The following KCNC2 variants were observed in gnomAD, a reference collection of about 807,000 sequenced individuals.
KCNC2 encodes the protein voltage-gated potassium channel KCNC2.
In KCNC2, 21 loss-of-function variants were observed where a neutral mutation model predicts 44.5. The observed-to-expected ratio is 0.47, with a 90% CI of 0.33 to 0.68. The LOEUF (loss-of-function observed/expected upper bound fraction) is 0.68. Among genes scored for constraint, KCNC2 ranks in the 30% least tolerant of loss-of-function variants. KCNC2 has a pLI of 0.01. For missense variants in KCNC2, 589 were observed against 826.2 expected (o/e 0.71, Z 3.52); for synonymous variants, 391 against 339.1 (o/e 1.15, Z -1.68).
chr12:75,048,589 T>A (rs551087500), intron 3 of KCNC2, among the ~76,000 whole-genome samples: 1 of 152,140 alleles, frequency 6.6e-6, no homozygotes, highest in Admixed American at 6.6e-5. Flanking sequence ...ACGACTAATA[T>A]GAATTCAAAA....
intron 2 of KCNC2, among the ~76,000 whole-genome samples, chr12:75,088,307 T>C (rs984843255): frequency 6.6e-6 from 1 of 152,030 alleles, no homozygotes; most frequent in Non-Finnish European, 1.5e-5. Context: ...TCCATAAACA[T>C]GTGATAATTT....
chr12:75,085,002 C>G (rs1884876242), intron 2 of KCNC2, among the ~76,000 whole-genome samples: 1 of 136,976 alleles, frequency 7.3e-6, no homozygotes, highest in Non-Finnish European at 1.6e-5. Flanking sequence ...CAGTAAAGGA[C>G]TTAAAATTCC....
intron 2 of KCNC2, among the ~76,000 whole-genome samples, chr12:75,104,071 T>C (rs1180590426): frequency 2.0e-5 from 3 of 152,016 alleles, no homozygotes; most frequent in African/African-American, 4.8e-5. Context: ...GCCATGACAA[T>C]GTCAGGAGAC....
Position 75,051,013 on chromosome 12 carries a change from C to G in KCNC2, c.992G>C (p.Gly331Ala). Residue 331 changes from glycine to alanine, a missense_variant, in exon 3 of 5, where the codon GGA becomes GCA. Coordinates refer to ENST00000549446, the MANE Select transcript of KCNC2 (RefSeq NM_139137.4). Reference protein sequence around the residue: ...VAILPFYLEVGLSGLSSKAAK... With the variant: ...VAILPFYLEVALSGLSSKAAK... ...AGCTTTGGATGACAGCCCACTGAGT[C>G]CCACCTCTAAGTAGAAAGGTAGGAT... The G allele has an allele frequency of 6.2e-7, 1 of 1,613,742 alleles. No individual in the cohort carries two copies. Among genetic ancestry groups the G allele is most frequent in the Non-Finnish European group, 8.5e-7 (1 of 1,179,832 alleles).
chr12:75,098,956 A>G (rs975104015), intron 2 of KCNC2, among the ~76,000 whole-genome samples: 9 of 152,088 alleles, frequency 5.9e-5, no homozygotes. Context: ...TCTGTTCTCC[A>G]TGCCCTGCTG....
intron 2 of KCNC2, among the ~76,000 whole-genome samples, chr12:75,085,301 C>G (rs7959091): frequency 0.036 from 5,419 of 151,974 alleles, 307 homozygotes; most frequent in African/African-American, 0.12. Context: ...TTCTATTATT[C>G]ACCTTCCACC....
chr12:75,198,188 T>C (rs776053754), intron 2 of KCNC2, among the ~76,000 whole-genome samples: 12 of 151,910 alleles, frequency 7.9e-5, no homozygotes, highest in Non-Finnish European at 1.2e-4. Flanking sequence ...CATTGCATTC[T>C]AAGTATCAAA....
intron 2 of KCNC2, among the ~76,000 whole-genome samples, chr12:75,160,177 CCA>C (rs1463520691): frequency 6.6e-6 from 1 of 151,532 alleles, no homozygotes; most frequent in East Asian, 2.0e-4. Flanking sequence ...CATATAATTG[CCA>C]CCCTTATAAG....
intron 2 of KCNC2, among the ~76,000 whole-genome samples, chr12:75,205,414 T>A (rs1305606338): frequency 6.6e-6 from 1 of 152,192 alleles, no homozygotes; most frequent in African/African-American, 2.4e-5. Context: ...CCAAAACAGA[T>A]GCAGATCAAA....
chr12:75,113,945 T>C (rs1887451463), intron 2 of KCNC2, among the ~76,000 whole-genome samples: 1 of 152,192 alleles, frequency 6.6e-6, no homozygotes, highest in Non-Finnish European at 1.5e-5. Flanking sequence ...AATTACGGCT[T>C]ATTTATTTGT....
At chr12:75,162,448 A>T (rs1336487153) in intron 2 of KCNC2, among the ~76,000 whole-genome samples, 2 of 151,710 alleles carry the variant, frequency 1.3e-5, no homozygotes, top group Non-Finnish European at 3.0e-5. Flanking sequence ...CTCTTTGCCA[A>T]CACACAACAT....
rs1033249070 is a variant in KCNC2, at chr12:75,077,661, G to A, written c.688-26344C>T. Among the ~76,000 whole-genome samples, 36 of 152,176 alleles carry A rather than the reference G, an allele frequency of 2.4e-4. 1 individual carries two copies. Among genetic ancestry groups the A allele is most frequent in the Admixed American group, 2.4e-3 (36 of 15,272 alleles). On this transcript the variant is annotated intron_variant, in intron 2 of 4. Transcript: ENST00000549446. The stretch of plus-strand genomic sequence containing the variant: ...CTGTCCATTATCTTAAAATAAACTT[G>A]ATGACCATAAGAATCTTAGAAGAGA...
At chr12:75,192,653 C>T (rs1339636200) in intron 2 of KCNC2, among the ~76,000 whole-genome samples, 1 of 152,024 alleles carries the variant, frequency 6.6e-6, no homozygotes, top group Non-Finnish European at 1.5e-5. Context: ...CTAATTTTCT[C>T]AGTAGGATTG....
chr12:75,111,613 T>G (rs1237763270), intron 2 of KCNC2, among the ~76,000 whole-genome samples: 1 of 152,046 alleles, frequency 6.6e-6, no homozygotes, highest in Admixed American at 6.6e-5. Flanking sequence ...GTACCAATAA[T>G]ATATGAGTTT....
intron 2 of KCNC2, among the ~76,000 whole-genome samples, chr12:75,074,232 A>ATTTTTTTTT (rs5799196): frequency 2.1e-5 from 2 of 94,832 alleles, no homozygotes; most frequent in African/African-American, 4.0e-5. Flanking sequence ...CTACTCATAG[A>ATTTTTTTTT]TTTTTTTTTT....
At chr12:75,115,002 T>A (rs1169336210) in intron 2 of KCNC2, among the ~76,000 whole-genome samples, 1 of 151,662 alleles carries the variant, frequency 6.6e-6, no homozygotes, top group Non-Finnish European at 1.5e-5. Context: ...TAGCTGGGAC[T>A]ACAGGCGCCC....
chr12:75,170,113 G>T (rs545843527), intron 2 of KCNC2, among the ~76,000 whole-genome samples: 1 of 151,700 alleles, frequency 6.6e-6, no homozygotes, highest in African/African-American at 2.4e-5. Context: ...TTTTCTCAAG[G>T]TGAAGTCACT....
At chr12:75,061,756 T>G (rs1219172366) in intron 2 of KCNC2, among the ~76,000 whole-genome samples, 2 of 152,022 alleles carry the variant, frequency 1.3e-5, no homozygotes, top group African/African-American at 4.8e-5. Flanking sequence ...ACTTTCTAAT[T>G]TATAGACTTT....
At chr12:75,146,680 T>A (rs1208815169) in intron 2 of KCNC2, among the ~76,000 whole-genome samples, 2 of 152,204 alleles carry the variant, frequency 1.3e-5, no homozygotes, top group Non-Finnish European at 2.9e-5. Context: ...TCATAAGATA[T>A]GTGCCTCCTC....
Sources: gnomAD v4.1 joint callset for allele counts (sites outside exome capture counted in the v4.1 genomes callset) on GRCh38, gnomAD v4.1.1 for gene constraint, MANE v1.5 for transcripts, NCBI Gene and HGNC (gene_info 2026-07-23, HGNC 2026-07-21) for gene names.